Variants in ULK4 observed in about 807,000 individuals in gnomAD.
ULK4 encodes inactive serine/threonine-protein kinase ULK4.
Under a neutral mutation model 160.6 loss-of-function variants are expected in ULK4, and 133 were observed. That is an observed-to-expected ratio of 0.83 (90% CI 0.72 to 0.96). The LOEUF (loss-of-function observed/expected upper bound fraction) is 0.96. Among genes scored for constraint, ULK4 ranks in the 40% least tolerant of loss-of-function variants. The pLI, the probability that ULK4 is intolerant of heterozygous loss-of-function variation, is 0.00. For missense variants in ULK4, 1,580 were observed against 1,499.5 expected (o/e 1.05, Z -0.89); for synonymous variants, 534 against 539.8 (o/e 0.99, Z 0.15).
intron 31 of ULK4, among the ~76,000 whole-genome samples, chr3:41,572,134 A>G (rs920066647): frequency 2.6e-5 from 4 of 152,330 alleles, no homozygotes; most frequent in Admixed American, 2.6e-4. Flanking sequence ...TAACTTGCCA[A>G]ACTCTTCATT....
chr3:41,306,264 T>G (rs1575416430), intron 35 of ULK4, among the ~76,000 whole-genome samples: 1 of 98,460 alleles, frequency 1.0e-5, no homozygotes, highest in African/African-American at 5.7e-5. Flanking sequence ...GTCCGGGAGG[T>G]GAGGGGCGCC....
At chr3:41,659,258 T>C (rs1380501280) in intron 30 of ULK4, among the ~76,000 whole-genome samples, 1 of 152,190 alleles carries the variant, frequency 6.6e-6, no homozygotes, top group Non-Finnish European at 1.5e-5. Flanking sequence ...CATTTTCACC[T>C]CTGCATAGGA....
intron 29 of ULK4, among the ~76,000 whole-genome samples, chr3:41,678,764 ATTGT>A (rs2035821924): frequency 6.6e-6 from 1 of 152,232 alleles, no homozygotes; most frequent in African/African-American, 2.4e-5. Flanking sequence ...CATCAAAAGT[ATTGT>A]TTAAGGTCAA....
intron 30 of ULK4, among the ~76,000 whole-genome samples, chr3:41,662,000 T>TA (rs2035188676): frequency 6.6e-6 from 1 of 152,116 alleles, no homozygotes; most frequent in Non-Finnish European, 1.5e-5. Context: ...AAGTTACATT[T>TA]AAAAAAGTAA....
intron 17 of ULK4, among the ~76,000 whole-genome samples, chr3:41,853,335 A>G (rs150276732): frequency 6.6e-6 from 1 of 152,154 alleles, no homozygotes; most frequent in Admixed American, 6.5e-5. Context: ...ATATAGCTTT[A>G]AAGACTAGAG....
chr3:41,391,348 C>G (rs907687210), intron 35 of ULK4, among the ~76,000 whole-genome samples: 18 of 152,056 alleles, frequency 1.2e-4, no homozygotes, highest in African/African-American at 4.3e-4. Flanking sequence ...ACTTTTAACT[C>G]ATTTGGGTAC....
In ULK4 at chr3:41,773,609, A is replaced by G. The variant is rs536214330; in HGVS notation, c.2193+16052T>C. On this transcript the variant is annotated intron_variant, in intron 21 of 36. Coordinates refer to ENST00000301831, the MANE Select transcript of ULK4 (RefSeq NM_017886.4). ...ATGGAAGAACATTCCATGCTCATGG[A>G]TAGGAAGAATCAATATCGTGAAAAG... Among the ~76,000 whole-genome samples the G allele has an allele frequency of 3.2e-4, 48 of 152,254 alleles. No homozygotes were observed. In the Middle Eastern group the frequency reaches 0.01, roughly 32 times the overall value.
chr3:41,658,913 C>T (rs1337145025), intron 30 of ULK4, among the ~76,000 whole-genome samples: 1 of 119,552 alleles, frequency 8.4e-6, no homozygotes, highest in South Asian at 3.0e-4. Flanking sequence ...TCATATTCCC[C>T]AATCAAACAG....
At chr3:41,705,694 C>T (rs189031524) in intron 25 of ULK4, among the ~76,000 whole-genome samples, 7 of 152,204 alleles carry the variant, frequency 4.6e-5, no homozygotes, top group Non-Finnish European at 8.8e-5. Flanking sequence ...TGGGGTTTCT[C>T]ATGTTGGTCA....
At chr3:41,888,939 G>A (rs1697822120) in intron 16 of ULK4, among the ~76,000 whole-genome samples, 2 of 152,086 alleles carry the variant, frequency 1.3e-5, no homozygotes, top group East Asian at 1.9e-4. Flanking sequence ...TTAAAGGAGA[G>A]GCTATTGGAG....
At chr3:41,751,038 G>A (rs2038610134) in intron 22 of ULK4, among the ~76,000 whole-genome samples, 1 of 146,214 alleles carries the variant, frequency 6.8e-6, no homozygotes, top group Non-Finnish European at 1.5e-5. Context: ...GGGAGGGAAG[G>A]AGGGAGGGTG....
intron 30 of ULK4, among the ~76,000 whole-genome samples, chr3:41,659,557 A>G (rs1250565786): frequency 2.0e-5 from 3 of 152,226 alleles, no homozygotes; most frequent in Non-Finnish European, 4.4e-5. Flanking sequence ...CACAATGGCA[A>G]CATTGCAAAG....
chr3:41,826,585 G>A (rs1268644841), intron 18 of ULK4, among the ~76,000 whole-genome samples: 13 of 145,916 alleles, frequency 8.9e-5, no homozygotes, highest in Admixed American at 8.7e-4. Flanking sequence ...CTGGTAAAGG[G>A]ATCAATTCAA....
chr3:41,881,424 A>G (rs907288981), intron 17 of ULK4, among the ~76,000 whole-genome samples: 1 of 152,198 alleles, frequency 6.6e-6, no homozygotes, highest in African/African-American at 2.4e-5. Context: ...TGGTGCTTGA[A>G]TGACCTCTAG....
Position 41,752,297 on chromosome 3 carries a change from C to T in ULK4, c.2321+2064G>A, listed in dbSNP as rs183680732. On this transcript the variant is annotated intron_variant, in intron 22 of 36. Transcript: ENST00000301831. ...TTCCAGTGAAAAATGATGGTAAACG[C>T]AAAGACAAATCAGAGGTAGCAAAGC... Among the ~76,000 whole-genome samples, 3 of 152,058 alleles carry T rather than the reference C, an allele frequency of 2.0e-5. No homozygotes were observed. In the East Asian group the frequency reaches 5.8e-4, roughly 29 times the overall value.
In ULK4 at chr3:41,323,843, T is replaced by TA. The variant is rs200631875; in HGVS notation, c.3678+74235dup. On this transcript the variant is annotated intron_variant, in intron 35 of 36. Coordinates refer to ENST00000301831, the MANE Select transcript of ULK4 (RefSeq NM_017886.4). ...CAAGGCATAGAGAGACTTTAGGATT[T>TA]AAAAAAAATAGAAAAATAAATAGAT... 4.0e-3 allele frequency among the ~76,000 whole-genome samples: 614 copies of TA among 152,126 alleles called. 1 individual carries two copies. The highest frequency in any genetic ancestry group is 0.012 in the African/African-American group (519 of 41,522).
intron 19 of ULK4, among the ~76,000 whole-genome samples, chr3:41,813,881 T>G (rs2040887636): frequency 6.6e-6 from 1 of 152,224 alleles, no homozygotes; most frequent in Non-Finnish European, 1.5e-5. Context: ...ACTTCAAAGA[T>G]TCCTAACTTT....
At chr3:41,587,871 A>G (rs1364892084) in intron 31 of ULK4, among the ~76,000 whole-genome samples, 1 of 152,184 alleles carries the variant, frequency 6.6e-6, no homozygotes, top group Non-Finnish European at 1.5e-5. Flanking sequence ...ATTTAATAGA[A>G]TTTCCTCCAG....
At chr3:41,522,506 C>G (rs1043161118) in intron 32 of ULK4, among the ~76,000 whole-genome samples, 5 of 151,958 alleles carry the variant, frequency 3.3e-5, no homozygotes, top group Admixed American at 1.3e-4. Flanking sequence ...GGCTTTGATA[C>G]TTGAGAATAT....
Sources: gnomAD v4.1 joint callset for allele counts (sites outside exome capture counted in the v4.1 genomes callset) on GRCh38, gnomAD v4.1.1 for gene constraint, MANE v1.5 for transcripts, NCBI Gene and HGNC (gene_info 2026-07-23, HGNC 2026-07-21) for gene names.